The following RBX1 variants were observed in gnomAD, a reference collection of about 807,000 sequenced individuals.
RBX1 encodes ring-box 1.
For missense variants in RBX1, 46 were observed against 141.4 expected, an observed-to-expected ratio of 0.33 and a Z score of 3.42; for synonymous variants, 48 against 47.9, an observed-to-expected ratio of 1.00 and a Z score of -0.01.
chr22:40,952,772 C>A (rs1024396573), intron 1 of RBX1, among the ~76,000 whole-genome samples: 1 of 152,052 alleles, frequency 6.6e-6, no homozygotes, highest in African/African-American at 2.4e-5. Flanking sequence ...TAAGTGATGA[C>A]CTTGTTCTGT....
intron 4 of RBX1, 77 bp from the exon 5 acceptor site, chr22:40,972,399 A>G: frequency 1.8e-6 from 2 of 1,132,610 alleles, no homozygotes; most frequent in Middle Eastern, 2.0e-4. Context: ...AAAGTTGCTT[A>G]TGTGTTTAAG....
chr22:40,969,325 T>C (rs1318592408), intron 4 of RBX1, among the ~76,000 whole-genome samples: 1 of 152,196 alleles, frequency 6.6e-6, no homozygotes, highest in African/African-American at 2.4e-5. Flanking sequence ...TCAGTCCCTA[T>C]TGGTGGACAT....
chr22:40,951,773 G>T (rs1173766873), intron 1 of RBX1, among the ~76,000 whole-genome samples: 1 of 149,062 alleles, frequency 6.7e-6, no homozygotes, highest in Non-Finnish European at 1.5e-5. Flanking sequence ...TGTCACTGGA[G>T]TGGTTGAGAG....
chr22:40,955,327 G>C (rs1481371428), intron 2 of RBX1, among the ~76,000 whole-genome samples: 1 of 146,614 alleles, frequency 6.8e-6, no homozygotes, highest in Non-Finnish European at 1.5e-5. Flanking sequence ...GTCTCGAACT[G>C]GCTTCAAGTG....
chr22:40,965,839 T>C (rs1314557699), intron 3 of RBX1, among the ~76,000 whole-genome samples: 1 of 152,166 alleles, frequency 6.6e-6, no homozygotes, highest in Non-Finnish European at 1.5e-5. Context: ...GCTTTAATCG[T>C]TCATGGGGAT....
intron 4 of RBX1, 121 bp from the exon 5 acceptor site, chr22:40,972,355 C>G (rs2058371387): frequency 2.8e-6 from 2 of 707,614 alleles, no homozygotes; most frequent in East Asian, 2.6e-5. Flanking sequence ...GTCACCTAAT[C>G]CTGGAGCACA....
chr22:40,962,732 G>A (rs1427580342), intron 2 of RBX1, among the ~76,000 whole-genome samples: 5 of 146,930 alleles, frequency 3.4e-5, no homozygotes, highest in African/African-American at 5.0e-5. Context: ...TTGCACTGTC[G>A]CCCAGGCTCC....
intron 2 of RBX1, among the ~76,000 whole-genome samples, chr22:40,963,821 G>A (rs570869548): frequency 3.3e-4 from 51 of 152,298 alleles, no homozygotes; most frequent in African/African-American, 1.2e-3. Context: ...ACTGTAGCCT[G>A]GGCAACGGGA....
intron 2 of RBX1, among the ~76,000 whole-genome samples, chr22:40,958,191 C>T (rs1302845372): frequency 6.6e-6 from 1 of 151,638 alleles, no homozygotes; most frequent in East Asian, 1.9e-4. Context: ...AACTCCTGGA[C>T]TCAAGCAATC....
chr22:40,972,037 G>A (rs771263065), intron 4 of RBX1, among the ~76,000 whole-genome samples: 23 of 152,176 alleles, frequency 1.5e-4, no homozygotes, highest in Admixed American at 5.2e-4. Flanking sequence ...CTCATTATTA[G>A]CTTTACCCTA....
At position 40,967,148 on chromosome 22, in the gene RBX1, A is replaced by G. The variant is rs1011829500; in HGVS notation, c.229-651A>G. ...CTTCCTTTTACCCCAATTTTCTTTTATCTCATTCCCTAAGACAAAGTCCCT... is the reference window on the plus strand; with the variant it reads ...CTTCCTTTTACCCCAATTTTCTTTTGTCTCATTCCCTAAGACAAAGTCCCT... On this transcript the variant is annotated intron_variant, in intron 3 of 4. Transcript: ENST00000216225. 2.6e-5 allele frequency: 4 copies of G among 152,118 alleles called. No homozygotes were observed. In the East Asian group the frequency reaches 7.7e-4, roughly 29 times the overall value. 9.4% of individuals were successfully genotyped at this position (152,118 alleles called of 1,614,324 possible). A position where few individuals can be genotyped will look rare whatever the true frequency, so the allele number is the denominator to read the frequency against.
chr22:40,955,260 CTT>C (rs776549895), intron 2 of RBX1, among the ~76,000 whole-genome samples: 15 of 138,824 alleles, frequency 1.1e-4, no homozygotes, highest in Non-Finnish European at 1.4e-4. Context: ...TTTCTTTTTC[CTT>C]TTTTTTTTTT....
At chr22:40,954,626 C>CT (rs1204083817) in intron 2 of RBX1, among the ~76,000 whole-genome samples, 5 of 152,032 alleles carry the variant, frequency 3.3e-5, no homozygotes, top group Admixed American at 1.3e-4. Context: ...AGGAAAGAAA[C>CT]TTTAAGTTTC....
rs193135695 is a variant in RBX1 at position 40,965,755 on chromosome 22, T to G, written c.228+1638T>G. ...CCGTGCCCAGCCCCTACCCGCACTT[T>G]CGGGTACACCTTCTTCCATCTTTGT... On this transcript the variant is annotated intron_variant, in intron 3 of 4. Coordinates refer to ENST00000216225, the MANE Select transcript of RBX1 (RefSeq NM_014248.4). Among the ~76,000 whole-genome samples, 258 of 152,320 alleles carry G rather than the reference T, an allele frequency of 1.7e-3. 1 individual carries two copies. The highest frequency in any genetic ancestry group is 6.1e-3 in the African/African-American group (254 of 41,578).
chr22:40,961,632 C>T (rs2058340710), intron 2 of RBX1, among the ~76,000 whole-genome samples: 1 of 151,794 alleles, frequency 6.6e-6, no homozygotes, highest in African/African-American at 2.4e-5. Context: ...GCTCGATCTC[C>T]TGACCTCGTG....
chr22:40,964,489 T>C, intron 3 of RBX1: 1 of 197,776 alleles, frequency 5.1e-6, no homozygotes, highest in South Asian at 8.4e-5. Flanking sequence ...GGAACTAAGT[T>C]TGATGAGTAA....
intron 2 of RBX1, among the ~76,000 whole-genome samples, chr22:40,957,128 A>G (rs1449181624): frequency 1.3e-5 from 2 of 151,242 alleles, no homozygotes; most frequent in African/African-American, 4.9e-5. Flanking sequence ...CGGGGGGATC[A>G]TGAGGTCAGG....
rs116602584 is a variant in RBX1, at chr22:40,952,792, C to T, written c.79-763C>T. On this transcript the variant is annotated intron_variant, in intron 1 of 4. Coordinates refer to ENST00000216225, the MANE Select transcript of RBX1 (RefSeq NM_014248.4). ...GATGACCTTGTTCTGTGTACTGACA[C>T]GGGTATTTAATTATCCAGCTTATCC... Among the ~76,000 whole-genome samples, 775 of 152,174 alleles carry T rather than the reference C, an allele frequency of 5.1e-3. 3 individuals are homozygous for T. Among genetic ancestry groups the T allele is most frequent in the African/African-American group, 0.017 (723 of 41,506 alleles).
intron 2 of RBX1, among the ~76,000 whole-genome samples, chr22:40,955,909 G>T (rs953692827): frequency 6.6e-6 from 1 of 152,064 alleles, no homozygotes; most frequent in Non-Finnish European, 1.5e-5. Flanking sequence ...ACATATGCAG[G>T]GTTTCAAATG....
Sources: allele counts gnomAD v4.1 joint callset (sites outside exome capture counted in the v4.1 genomes callset), GRCh38; gene constraint gnomAD v4.1.1; transcripts MANE v1.5; gene names NCBI Gene and HGNC (gene_info 2026-07-23, HGNC 2026-07-21).